CD163L1: variants seen among roughly 807,000 people sequenced by gnomAD.
The protein encoded by CD163L1 is scavenger receptor cysteine-rich type 1 protein M160.
CD163L1 carries 124 observed loss-of-function variants against 165.4 expected under a neutral mutation model. The ratio of observed to expected loss-of-function variants is 0.75; its 90% CI spans 0.65 to 0.87. The LOEUF is 0.87. Among genes scored for constraint, CD163L1 ranks in the 40% least tolerant of loss-of-function variants. The pLI is 0.00. For missense variants in CD163L1, 1,525 were observed against 1,799.9 expected (o/e 0.85, Z 2.76); for synonymous variants, 585 against 662.2 (o/e 0.88, Z 1.79).
rs1947251201 is a variant in CD163L1, at chr12:7,375,607, C to G, written c.2687-12G>C. On this transcript the variant is annotated splice_polypyrimidine_tract_variant and intron_variant, in intron 10 of 19. Transcript: ENST00000313599. ...GACATCTGTATATCCTAGGAGGAGA[C>G]AAGGCCATAGAAGAGACATCATGAC... is the stretch of plus-strand genomic sequence containing the variant. The G allele has an allele frequency of 2.5e-6, 4 of 1,611,582 alleles. No individual in the cohort carries two copies. In the African/African-American group the frequency reaches 5.3e-5, roughly 22 times the overall value.
the CD163L1 span, among the ~76,000 whole-genome samples, chr12:7,321,934 T>C: frequency 6.6e-6 from 1 of 152,130 alleles, no homozygotes; most frequent in African/African-American, 2.4e-5. Flanking sequence ...TGGTACAGAG[T>C]TTCATGAGTA....
At chr12:7,441,298 T>G in intron 1 of CD163L1, 52 bp from the exon 2 acceptor site, 1 of 1,301,834 alleles carries the variant, frequency 7.7e-7, no homozygotes, top group Non-Finnish European at 1.1e-6. Context: ...CTAAGAAATG[T>G]TAGATGACCT....
rs959189054 is a variant in CD163L1, at chr12:7,398,097, A to G, written c.1729+167T>C. Among the ~76,000 whole-genome samples, 3 of 152,212 alleles carry G rather than the reference A, an allele frequency of 2.0e-5. No homozygotes were observed. The highest frequency in any genetic ancestry group is 4.8e-5 in the African/African-American group (2 of 41,458). On this transcript the variant is annotated intron_variant, in intron 7 of 19. Transcript: ENST00000313599. The surrounding 1 kb of genome is among the most constrained non-coding windows in gnomAD (Gnocchi z 4.5). ...TCTACTAATTTCTTACTTTACCTGT[A>G]TAAGTGGAAGAGTTCCAGGTGAAGT...
rs1413418636 is a variant in CD163L1, at chr12:7,421,468, T to TACATATAC, written c.766+10947_766+10948insGTATATGT. Among the ~76,000 whole-genome samples, 2 of 93,402 alleles carry TACATATAC rather than the reference T, an allele frequency of 2.1e-5. 1 individual carries two copies. Among genetic ancestry groups the TACATATAC allele is most frequent in the Admixed American group, 2.4e-4 (2 of 8,216 alleles). 61.3% of individuals were successfully genotyped at this position (93,402 alleles called of 152,430 possible). On this transcript the variant is annotated intron_variant, in intron 4 of 19. Coordinates refer to ENST00000313599, the MANE Select transcript of CD163L1 (RefSeq NM_174941.6). The stretch of plus-strand genomic sequence containing the variant: ...ATACATATATGTACATATATACATA[T>TACATATAC]ATATACATATATGTACATATATACA...
chr12:7,389,743 T>G (rs1947605244), intron 8 of CD163L1, among the ~76,000 whole-genome samples: 1 of 151,980 alleles, frequency 6.6e-6, no homozygotes, highest in African/African-American at 2.4e-5. Context: ...TATTTCACAT[T>G]GCACACCTGT....
chr12:7,431,619 G>A (rs935211119), intron 4 of CD163L1, among the ~76,000 whole-genome samples: 8 of 151,396 alleles, frequency 5.3e-5, no homozygotes, highest in Non-Finnish European at 1.0e-4. Context: ...GGGGTGGGGG[G>A]CTGGGGGAGG....
chr12:7,421,760 TA>T (rs748157850), intron 4 of CD163L1, among the ~76,000 whole-genome samples: 16,356 of 136,570 alleles, frequency 0.12, 1,252 homozygotes, highest in Admixed American at 0.26. Flanking sequence ...TATATATATA[TA>T]TATATATATT....
intron 6 of CD163L1, among the ~76,000 whole-genome samples, chr12:7,399,422 TCCC>T (rs1222675619): frequency 2.3e-4 from 2 of 8,638 alleles, no homozygotes; most frequent in African/African-American, 1.3e-3. Flanking sequence ...TTCCTTCCCC[TCCC>T]CCATTCTTCT....
chr12:7,392,366 T>C (rs1372341106), intron 8 of CD163L1, among the ~76,000 whole-genome samples: 1 of 152,162 alleles, frequency 6.6e-6, no homozygotes, highest in Admixed American at 6.5e-5. Flanking sequence ...AAGATGTTCT[T>C]TGAAACCAAC....
At position 7,441,172 on chromosome 12, in the gene CD163L1, A is replaced by G. The variant is rs1157861929; in HGVS notation, c.106T>C (p.Phe36Leu). The G allele has an allele frequency of 1.2e-6, 2 of 1,613,844 alleles. No individual in the cohort carries two copies. The highest frequency in any genetic ancestry group is 1.3e-5 in the African/African-American group (1 of 74,922). ...AACTCACTAAAACTGCTGATGAGAA[A>G]GCAGGAATTCAGGAGCAGGATGCAA... ...VTCILLLNSC[F>L]LISSFNGTDL... The change falls in exon 2 of 20, where the codon TTT becomes CTT. Residue 36 changes from phenylalanine (F) to leucine (L), a missense_variant. Coordinates refer to ENST00000313599, the MANE Select transcript of CD163L1 (RefSeq NM_174941.6).
At chr12:7,338,189 T>C in the CD163L1 span, among the ~76,000 whole-genome samples, 5 of 152,136 alleles carry the variant, frequency 3.3e-5, no homozygotes, top group African/African-American at 9.6e-5. Context: ...AGGGGAGGAA[T>C]AGCATTAGAA....
Position 7,403,835 on chromosome 12 carries a change from G to A in CD163L1, c.1108C>T (p.Arg370Ter), listed in dbSNP as rs201216711. 9 of 1,612,952 alleles carry A rather than the reference G, an allele frequency of 5.6e-6. No homozygotes were observed. The highest frequency in any genetic ancestry group is 4.5e-5 in the East Asian group (2 of 44,866). ...CAATTGTTACTTCCATCTGCTAGTCGCAGTTCCAAATCTGCTCCATCTAGG... is the reference window on the plus strand; with the variant it reads ...CAATTGTTACTTCCATCTGCTAGTCACAGTTCCAAATCTGCTCCATCTAGG... ...ICSDGADLEL[R>*]LADGSNNCSG... Residue 370 changes from arginine to a stop codon, truncating the protein, a stop_gained, in exon 6 of 20, where the codon CGA becomes TGA. Transcript: ENST00000313599. LOFTEE classifies it high-confidence loss of function.
At position 7,380,316 on chromosome 12, in the gene CD163L1, T is replaced by C. The variant is rs189314416; in HGVS notation, c.2051-1018A>G. ...GTGTGTGTGTGTATACACATATACA[T>C]ACATATATGTATGTATACACGTATA... On this transcript the variant is annotated intron_variant, in intron 8 of 19. Coordinates refer to ENST00000313599, the MANE Select transcript of CD163L1 (RefSeq NM_174941.6). 3.4e-3 allele frequency among the ~76,000 whole-genome samples: 500 copies of C among 148,262 alleles called. 4 individuals are homozygous for C. Among genetic ancestry groups the C allele is most frequent in the African/African-American group, 9.6e-3 (367 of 38,054 alleles).
chr12:7,370,995 G>A (rs1356850871), intron 14 of CD163L1, among the ~76,000 whole-genome samples: 2 of 152,100 alleles, frequency 1.3e-5, no homozygotes, highest in Non-Finnish European at 2.9e-5. Context: ...CATAGGGGTG[G>A]GTCTTTCCTG....
At chr12:7,386,129 G>C (rs1947510279) in intron 8 of CD163L1, among the ~76,000 whole-genome samples, 1 of 151,896 alleles carries the variant, frequency 6.6e-6, no homozygotes, top group Admixed American at 6.6e-5. Flanking sequence ...CAAACAAAAA[G>C]AGAAACATTA....
the CD163L1 span, among the ~76,000 whole-genome samples, chr12:7,332,676 C>T: frequency 6.8e-6 from 1 of 147,040 alleles, no homozygotes; most frequent in Non-Finnish European, 1.5e-5. Flanking sequence ...TCATATCCAG[C>T]CAAACTAAGC....
rs1340904284 is a variant in CD163L1 at position 7,400,337 on chromosome 12, A to G, written c.1409-1753T>C. On this transcript the variant is annotated intron_variant, in intron 6 of 19. Transcript: ENST00000313599. The surrounding 1 kb of genome is among the most constrained non-coding windows in gnomAD (Gnocchi z 4.1). ...CAGATATATGACGCATGTATATATA[A>G]TATGTATCATTTCCAGATATACTAA... 6.6e-6 allele frequency among the ~76,000 whole-genome samples: 1 copy of G among 152,232 alleles called. No individual in the cohort carries two copies. The highest frequency in any genetic ancestry group is 1.5e-5 in the Non-Finnish European group (1 of 68,042).
At position 7,379,076 on chromosome 12, in the gene CD163L1, C is replaced by A; in HGVS notation, c.2273G>T (p.Gly758Val). 6.2e-7 allele frequency: 1 copy of A among 1,614,162 alleles called. No individual in the cohort carries two copies. Among genetic ancestry groups the A allele is most frequent in the Non-Finnish European group, 8.5e-7 (1 of 1,180,010 alleles). Residue 758 changes from glycine to valine, a missense_variant, in exon 9 of 20, where the codon GGC becomes GTC. Transcript: ENST00000313599. ...GAGAGAGGCTTCCCCTCCAGTGCAG[C>A]CAGAATTCGACATTAAGATGTGTAA... Reference protein sequence around the residue: ...RTLHILMSNSGCTGGEASLWD... With the variant: ...RTLHILMSNSVCTGGEASLWD...
intron 14 of CD163L1, 96 bp downstream of exon 14, chr12:7,373,224 G>A (rs866565068): frequency 2.0e-6 from 2 of 1,012,368 alleles, no homozygotes; most frequent in Middle Eastern, 2.4e-4. Flanking sequence ...TTTTCAGTGA[G>A]TCTGCCATGT....
Sources: gnomAD v4.1 joint callset for allele counts (sites outside exome capture counted in the v4.1 genomes callset) on GRCh38, gnomAD v4.1.1 for gene constraint, Gnocchi (gnomAD v3.1) non-coding constraint, MANE v1.5 for transcripts, NCBI Gene and HGNC (gene_info 2026-07-23, HGNC 2026-07-21) for gene names.